ATG10: variants seen among roughly 807,000 people sequenced by gnomAD.
The protein encoded by ATG10 is ubiquitin-like-conjugating enzyme ATG10.
A neutral mutation model predicts 32.1 loss-of-function variants in ATG10; 30 were observed. The ratio of observed to expected loss-of-function variants is 0.94; its 90% CI spans 0.70 to 1.27. The LOEUF (loss-of-function observed/expected upper bound fraction) is 1.27, where lower values mean the gene tolerates loss of function less well. Ranked by LOEUF, ATG10 falls within the 50% of genes most tolerant of loss-of-function variation. The probability of loss-of-function intolerance (pLI) is 0.00; values close to 1 mark genes in which losing one functional copy is unlikely to be tolerated. For synonymous variants in ATG10, 87 were observed against 91.5 expected (o/e 0.95, Z 0.28); for missense variants, 233 against 262.3 (o/e 0.89, Z 0.77).
intron 4 of ATG10, among the ~76,000 whole-genome samples, chr5:82,175,134 A>G (rs1440438760): frequency 6.6e-6 from 1 of 152,162 alleles, no homozygotes; most frequent in Non-Finnish European, 1.5e-5. Flanking sequence ...TTTTCAAACA[A>G]AGCTCTGGTT....
intron 5 of ATG10, among the ~76,000 whole-genome samples, chr5:82,246,088 T>C (rs1747022678): frequency 6.6e-6 from 1 of 151,304 alleles, no homozygotes; most frequent in Non-Finnish European, 1.5e-5. Context: ...TTTTTTTTTT[T>C]TGAAACAGAG....
At chr5:82,176,780 T>C (rs1386909364) in intron 4 of ATG10, among the ~76,000 whole-genome samples, 1 of 152,196 alleles carries the variant, frequency 6.6e-6, no homozygotes, top group Non-Finnish European at 1.5e-5. Flanking sequence ...TGAATAAATC[T>C]TGTTCATTTT....
chr5:82,244,264 A>G (rs1240337274), intron 5 of ATG10, among the ~76,000 whole-genome samples: 1 of 152,202 alleles, frequency 6.6e-6, no homozygotes, highest in African/African-American at 2.4e-5. Context: ...GGAGTAGACT[A>G]GAGGTTGGAA....
chr5:82,050,393 C>T (rs1276371031), intron 2 of ATG10, among the ~76,000 whole-genome samples: 1 of 151,972 alleles, frequency 6.6e-6, no homozygotes, highest in African/African-American at 2.4e-5. Flanking sequence ...ATTACTTCTA[C>T]CTCCCACATT....
chr5:82,022,040 T>A, intron 2 of ATG10, among the ~76,000 whole-genome samples: 3 of 140,770 alleles, frequency 2.1e-5, no homozygotes, highest in African/African-American at 2.7e-5. Context: ...AAAAAAAAAA[T>A]TAGCTGGGCG....
At chr5:82,122,836 G>A (rs931871744) in intron 3 of ATG10, among the ~76,000 whole-genome samples, 4 of 151,942 alleles carry the variant, frequency 2.6e-5, no homozygotes, top group Non-Finnish European at 5.9e-5. Flanking sequence ...ACAGACGGCT[G>A]TTATTAAAAA....
chr5:82,059,405 CACTT>C (rs1259091319), intron 3 of ATG10, among the ~76,000 whole-genome samples: 7 of 143,054 alleles, frequency 4.9e-5, no homozygotes, highest in Admixed American at 7.0e-5. Context: ...CACACACACA[CACTT>C]TTTTTTTTTT....
intron 3 of ATG10, among the ~76,000 whole-genome samples, chr5:82,059,801 T>C (rs995940252): frequency 6.6e-6 from 1 of 152,180 alleles, no homozygotes; most frequent in African/African-American, 2.4e-5. Flanking sequence ...TTGCAAGTTA[T>C]TCTTGAGAGT....
At chr5:82,065,330 A>G (rs965425246) in intron 3 of ATG10, among the ~76,000 whole-genome samples, 2 of 152,084 alleles carry the variant, frequency 1.3e-5, no homozygotes, top group Admixed American at 1.3e-4. Context: ...CTACTAAAAA[A>G]ATACAAAAAT....
intron 3 of ATG10, among the ~76,000 whole-genome samples, chr5:82,079,050 A>C (rs1764377482): frequency 6.6e-6 from 1 of 152,014 alleles, no homozygotes. Context: ...TTTTATGTGT[A>C]CTTTGTCTAG....
chr5:82,029,062 A>G (rs1762673080), intron 2 of ATG10, among the ~76,000 whole-genome samples: 2 of 152,216 alleles, frequency 1.3e-5, no homozygotes, highest in South Asian at 4.1e-4. Context: ...TTGTATTCAC[A>G]ATTTATTCAT....
chr5:81,992,868 A>G (rs747366395), intron 2 of ATG10, among the ~76,000 whole-genome samples: 43 of 152,100 alleles, frequency 2.8e-4, no homozygotes, highest in Non-Finnish European at 4.4e-4. Context: ...AAGTAGGCAA[A>G]ATATTTTTAA....
intron 4 of ATG10, among the ~76,000 whole-genome samples, chr5:82,172,777 T>A (rs1743853869): frequency 6.6e-6 from 1 of 152,190 alleles, no homozygotes. Flanking sequence ...TTTTTGGAAT[T>A]TCATTTAGAT....
intron 2 of ATG10, among the ~76,000 whole-genome samples, chr5:82,040,404 G>A (rs1040622912): frequency 6.6e-6 from 1 of 152,150 alleles, no homozygotes; most frequent in African/African-American, 2.4e-5. Flanking sequence ...CAGTGAAACA[G>A]GCATTCTCAT....
At chr5:82,078,562 T>C (rs1252613354) in intron 3 of ATG10, 1 of 152,196 alleles carries the variant, frequency 6.6e-6, no homozygotes, top group Non-Finnish European at 1.5e-5. Context: ...ATCAATATGG[T>C]GACCTCTCGG....
intron 2 of ATG10, among the ~76,000 whole-genome samples, chr5:82,023,755 C>T (rs373139507): frequency 2.6e-5 from 4 of 152,118 alleles, no homozygotes; most frequent in Admixed American, 6.6e-5. Flanking sequence ...GAAGTGCACC[C>T]GCTGTTTATT....
At chr5:81,984,306 A>G (rs1160715866) in intron 1 of ATG10, among the ~76,000 whole-genome samples, 3 of 152,374 alleles carry the variant, frequency 2.0e-5, no homozygotes, top group African/African-American at 7.2e-5. Flanking sequence ...GCGCGCCTGC[A>G]ATCGCAGGCA....
rs1401034417 is a variant in ATG10 at position 82,103,462 on chromosome 5, C to G, written c.216+44860C>G. 2.0e-5 allele frequency among the ~76,000 whole-genome samples: 3 copies of G among 152,218 alleles called. No individual in the cohort carries two copies. In the East Asian group the frequency reaches 5.8e-4, roughly 29 times the overall value. The stretch of plus-strand genomic sequence containing the variant: ...GTTTTGGGATTCACTCTTACATAAA[C>G]CTGTGTGCCCCTCTATCTCTTTTTC... On this transcript the variant is annotated intron_variant, in intron 3 of 7. Transcript: ENST00000282185.
chr5:82,186,534 T>C (rs1744448267), intron 5 of ATG10, among the ~76,000 whole-genome samples: 1 of 152,110 alleles, frequency 6.6e-6, no homozygotes, highest in African/African-American at 2.4e-5. Context: ...TGACTTTTAA[T>C]GTTTATTAAA....
Sources: gnomAD v4.1 joint callset for allele counts (sites outside exome capture counted in the v4.1 genomes callset) on GRCh38, gnomAD v4.1.1 for gene constraint, MANE v1.5 for transcripts, NCBI Gene and HGNC (gene_info 2026-07-23, HGNC 2026-07-21) for gene names.